DOCK5: variants seen among roughly 807,000 people sequenced by gnomAD.
DOCK5 encodes dedicator of cytokinesis 5, also known as dedicator of cytokinesis protein 5.
A neutral mutation model predicts 251.8 loss-of-function variants in DOCK5; 142 were observed. The ratio of observed to expected loss-of-function variants is 0.56; its 90% CI spans 0.49 to 0.65. DOCK5 has a LOEUF of 0.65. Ranked by LOEUF, DOCK5 falls within the 30% of genes least tolerant of loss-of-function variation. The pLI, the probability that DOCK5 is intolerant of heterozygous loss-of-function variation, is 0.00. For missense variants in DOCK5, 2,111 were observed against 2,312.3 expected, an observed-to-expected ratio of 0.91 and a Z score of 1.79; for synonymous variants, 842 against 835.5, an observed-to-expected ratio of 1.01 and a Z score of -0.13.
chr8:25,369,004 C>T (rs1300392743), intron 33 of DOCK5, among the ~76,000 whole-genome samples: 1 of 152,228 alleles, frequency 6.6e-6, no homozygotes, highest in Non-Finnish European at 1.5e-5. Flanking sequence ...CTAGCTGTTT[C>T]AGTATAGCCT....
At chr8:25,187,312 CGT>C (rs1256550428) in intron 1 of DOCK5, among the ~76,000 whole-genome samples, 17 of 137,286 alleles carry the variant, frequency 1.2e-4, no homozygotes, top group African/African-American at 4.5e-4. Flanking sequence ...TGTATATATG[CGT>C]ATATGTGTGT....
In DOCK5 at chr8:25,366,889, A is replaced by G. The variant is rs749846660; in HGVS notation, c.3143A>G (p.His1048Arg). The part of the protein sequence containing the change: ...FELQLWNNYF[H>R]LAVAFLTHES... The stretch of plus-strand genomic sequence containing the variant: ...GAACAGCTCTGGAACAATTACTTCC[A>G]TTTGGCAGTTGCATTTCTCACCCAT... The change falls in exon 31 of 52, where the codon CAT becomes CGT. Residue 1048 changes from histidine (H) to arginine (R), a missense_variant. By Grantham distance (29) the His-to-Arg change is conservative. Around this residue, in one of 3 missense-constraint regions of DOCK5, gnomAD observed 1,717 missense variants for 1,892.4 expected, o/e 0.91. Coordinates refer to ENST00000276440, the MANE Select transcript of DOCK5 (RefSeq NM_024940.8). 1.2e-6 allele frequency: 2 copies of G among 1,613,788 alleles called. No individual in the cohort carries two copies. The highest frequency in any genetic ancestry group is 2.2e-5 in the East Asian group (1 of 44,838).
intron 4 of DOCK5, among the ~76,000 whole-genome samples, chr8:25,278,009 A>C (rs1006594511): frequency 1.3e-5 from 2 of 152,134 alleles, no homozygotes; most frequent in African/African-American, 4.8e-5. Context: ...GTCTTCTGTG[A>C]GTAAGCAAGG....
chr8:25,293,614 A>C (rs2117153980), intron 6 of DOCK5, among the ~76,000 whole-genome samples: 2 of 152,332 alleles, frequency 1.3e-5, no homozygotes, highest in South Asian at 4.1e-4. Flanking sequence ...TCTTAGGGTT[A>C]AGAATTAATA....
chr8:25,346,548 G>A (rs1005565763), intron 26 of DOCK5, among the ~76,000 whole-genome samples: 2 of 148,016 alleles, frequency 1.4e-5, no homozygotes, highest in African/African-American at 5.0e-5. Flanking sequence ...GGCTAAGGCC[G>A]GGCGTGGTGG....
chr8:25,391,197 CTG>C (rs760981712), intron 42 of DOCK5, among the ~76,000 whole-genome samples: 717 of 22,832 alleles, frequency 0.031, 11 homozygotes, highest in Admixed American at 0.036. Context: ...ACCACCACAC[CTG>C]TGTGTGTGTG....
At chr8:25,302,856 G>C (rs1804803165) in intron 10 of DOCK5, among the ~76,000 whole-genome samples, 1 of 152,212 alleles carries the variant, frequency 6.6e-6, no homozygotes, top group South Asian at 2.1e-4. Context: ...GAGGCACCTA[G>C]AGTAGTCAAA....
At chr8:25,363,191 C>A in intron 29 of DOCK5, 50 bp downstream of exon 29, 2 of 1,480,320 alleles carry the variant, frequency 1.4e-6, no homozygotes, top group Non-Finnish European at 1.9e-6. Flanking sequence ...ATACCTAAGG[C>A]TGCTGTGTGA....
intron 1 of DOCK5, among the ~76,000 whole-genome samples, chr8:25,220,657 G>C (rs1802362297): frequency 6.6e-6 from 1 of 152,164 alleles, no homozygotes; most frequent in Admixed American, 6.5e-5. Context: ...TGTCGCCCAG[G>C]TTGGAGTATA....
chr8:25,299,616 A>G (rs912170589), intron 8 of DOCK5: 3 of 152,352 alleles, frequency 2.0e-5, no homozygotes, highest in African/African-American at 7.2e-5. Flanking sequence ...TTGGTAGCAA[A>G]GGAGGTTGTG....
intron 13 of DOCK5, among the ~76,000 whole-genome samples, chr8:25,312,620 G>C (rs1035868968): frequency 1.8e-4 from 27 of 152,114 alleles, no homozygotes; most frequent in African/African-American, 6.5e-4. Flanking sequence ...AAAATCAGCT[G>C]GGCGAGTTGA....
At chr8:25,267,275 C>T (rs1803782209) in intron 2 of DOCK5, among the ~76,000 whole-genome samples, 1 of 152,134 alleles carries the variant, frequency 6.6e-6, no homozygotes, top group South Asian at 2.1e-4. Flanking sequence ...CAGCCATGTG[C>T]CTTGATGCAA....
intron 11 of DOCK5, chr8:25,305,418 G>T (rs557005963): frequency 6.6e-6 from 1 of 152,040 alleles, no homozygotes; most frequent in South Asian, 2.1e-4. Flanking sequence ...GTAAGAGCTA[G>T]AATCTTAAAA....
intron 13 of DOCK5, among the ~76,000 whole-genome samples, chr8:25,316,786 T>C (rs1338336401): frequency 6.6e-6 from 1 of 152,190 alleles, no homozygotes; most frequent in Non-Finnish European, 1.5e-5. Context: ...TACTACTTAA[T>C]TTTCTGTAAA....
At chr8:25,330,645 A>T (rs1208952794) in intron 18 of DOCK5, among the ~76,000 whole-genome samples, 1 of 152,202 alleles carries the variant, frequency 6.6e-6, no homozygotes, top group Non-Finnish European at 1.5e-5. Flanking sequence ...TCCTGTAGAC[A>T]CGAGGAATCC....
intron 49 of DOCK5, among the ~76,000 whole-genome samples, 200 bp downstream of exon 49, chr8:25,408,354 A>G (rs1801560314): frequency 6.6e-6 from 1 of 152,146 alleles, no homozygotes; most frequent in South Asian, 2.1e-4. Flanking sequence ...ATAAATCAAC[A>G]TTGGTGAAGA....
intron 40 of DOCK5, among the ~76,000 whole-genome samples, chr8:25,387,964 T>C (rs1045209964): frequency 1.3e-5 from 2 of 152,182 alleles, no homozygotes; most frequent in South Asian, 4.1e-4. Flanking sequence ...TACCCACCAT[T>C]GTTTCATCTG....
At chr8:25,401,995 T>G (rs771570417) in intron 47 of DOCK5, among the ~76,000 whole-genome samples, 1 of 152,244 alleles carries the variant, frequency 6.6e-6, no homozygotes, top group Non-Finnish European at 1.5e-5. Context: ...CCTGAGCAGT[T>G]CAGTGGATAG....
chr8:25,382,677 A>G lies in DOCK5; in HGVS notation c.4030A>G (p.Lys1344Glu). 6.2e-7 allele frequency: 1 copy of G among 1,607,946 alleles called. No individual in the cohort carries two copies. Among genetic ancestry groups the G allele is most frequent in the Non-Finnish European group, 8.5e-7 (1 of 1,177,248 alleles). Residue 1344 changes from lysine to glutamate, a missense_variant, in exon 40 of 52, where the codon AAA (lysine) becomes GAA (glutamate). Physicochemically the swap from Lys to Glu is moderately conservative, Grantham distance 56. Around this residue, in one of 3 missense-constraint regions of DOCK5, gnomAD observed 1,717 missense variants for 1,892.4 expected, o/e 0.91. Coordinates refer to ENST00000276440, the MANE Select transcript of DOCK5 (RefSeq NM_024940.8). The part of the protein sequence containing the change: ...DYEGLGNLLK[K>E]RASFYENIIK... ...AATGTCTTGTTTTGTTTTCCAGAAA[A>G]AAAGGGCCTCATTTTATGAGAACAT...
Sources: allele counts gnomAD v4.1 joint callset (sites outside exome capture counted in the v4.1 genomes callset), GRCh38; gene constraint gnomAD v4.1.1; regional missense constraint gnomAD v4.1.1; transcripts MANE v1.5; gene names NCBI Gene and HGNC (gene_info 2026-07-23, HGNC 2026-07-21).